Variants in FAM178B observed in about 807,000 individuals in gnomAD.
FAM178B encodes family with sequence similarity 178 member B.
FAM178B carries 82 observed loss-of-function variants against 91.7 expected under a neutral mutation model. The ratio of observed to expected loss-of-function variants is 0.89; its 90% CI spans 0.75 to 1.07. The LOEUF (loss-of-function observed/expected upper bound fraction) is 1.07. Among genes scored for constraint, FAM178B ranks in the 50% least tolerant of loss-of-function variants. The pLI, the probability that FAM178B is intolerant of heterozygous loss-of-function variation, is 0.00. For missense variants in FAM178B, 769 were observed against 846.7 expected, an observed-to-expected ratio of 0.91 and a Z score of 1.14; for synonymous variants, 368 against 359.4, an observed-to-expected ratio of 1.02 and a Z score of -0.27.
chr2:96,893,725 C>T (rs1355243947), intron 14 of FAM178B, among the ~76,000 whole-genome samples: 2 of 152,104 alleles, frequency 1.3e-5, no homozygotes, highest in South Asian at 2.1e-4. Flanking sequence ...GCCTGCGGCA[C>T]GGGTAACAGC....
At chr2:96,884,211 G>A (rs2080461406) in intron 14 of FAM178B, among the ~76,000 whole-genome samples, 1 of 152,182 alleles carries the variant, frequency 6.6e-6, no homozygotes, top group Non-Finnish European at 1.5e-5. Flanking sequence ...GGCATGGGGA[G>A]GGTTCCTGAT....
chr2:96,915,825 G>T (rs1485893262), intron 12 of FAM178B, among the ~76,000 whole-genome samples: 1 of 150,136 alleles, frequency 6.7e-6, no homozygotes, highest in Non-Finnish European at 1.5e-5. Context: ...AAAAGAAAAA[G>T]AAAAAAAGAA....
chr2:96,953,182 C>T (rs1574296034), intron 6 of FAM178B, among the ~76,000 whole-genome samples: 1 of 152,204 alleles, frequency 6.6e-6, no homozygotes, highest in Non-Finnish European at 1.5e-5. Flanking sequence ...TACACGTGCA[C>T]CCCAGGACTG....
intron 14 of FAM178B, among the ~76,000 whole-genome samples, chr2:96,878,911 C>G (rs1040961571): frequency 1.2e-4 from 18 of 152,166 alleles, no homozygotes; most frequent in African/African-American, 3.9e-4. Context: ...CCTGCCTGGA[C>G]AGTCGCCTTG....
intron 8 of FAM178B, among the ~76,000 whole-genome samples, chr2:96,930,331 A>C (rs936959595): frequency 6.7e-6 from 1 of 150,282 alleles, no homozygotes; most frequent in African/African-American, 2.5e-5. Context: ...GGACATTTTT[A>C]TAAGTGGGAG....
In FAM178B at chr2:96,951,488, G is replaced by C; in HGVS notation, c.888-4C>G. 2 of 1,550,900 alleles carry C rather than the reference G, an allele frequency of 1.3e-6. No homozygotes were observed. Among genetic ancestry groups the C allele is most frequent in the Non-Finnish European group, 1.7e-6 (2 of 1,146,334 alleles). ...GAGCTGTTGGGCTGGCGGGGAGCTGGGAGGCAGAGGGCTGAGGTTAGGGGA... is the reference window on the plus strand; with the variant it reads ...GAGCTGTTGGGCTGGCGGGGAGCTGCGAGGCAGAGGGCTGAGGTTAGGGGA... On this transcript the variant is annotated splice_region_variant and splice_polypyrimidine_tract_variant and intron_variant, in intron 6 of 16. Transcript: ENST00000490605.
intron 8 of FAM178B, among the ~76,000 whole-genome samples, chr2:96,937,487 C>T (rs770485827): frequency 2.6e-5 from 4 of 152,280 alleles, no homozygotes; most frequent in South Asian, 4.1e-4. Context: ...CCCCTCTCGC[C>T]GCACCTGAGG....
chr2:96,902,488 C>T (rs1265532793), intron 13 of FAM178B, 132 bp downstream of exon 13: 1 of 662,258 alleles, frequency 1.5e-6, no homozygotes. Context: ...AGCGGTAATT[C>T]TTGATGAAAG....
chr2:96,880,689 G>T lies in FAM178B; in HGVS notation c.1777-2196C>A, dbSNP rs982789033. ...CGCTCACTGCAAGCTCTGCCTCCCG[G>T]GCTCACGCCGTTGTCCTGCCTCAGC... is the stretch of plus-strand genomic sequence containing the variant. On this transcript the variant is annotated intron_variant, in intron 14 of 16. Transcript: ENST00000490605. Among the ~76,000 whole-genome samples, 10 of 152,122 alleles carry T rather than the reference G, an allele frequency of 6.6e-5. 1 individual carries two copies. The highest frequency in any genetic ancestry group is 5.2e-4 in the Admixed American group (8 of 15,274).
intron 12 of FAM178B, among the ~76,000 whole-genome samples, chr2:96,915,109 C>CA (rs2081220450): frequency 6.8e-6 from 1 of 147,864 alleles, no homozygotes; most frequent in South Asian, 2.1e-4. Flanking sequence ...TATCTATAAC[C>CA]AAATTTTTTT....
intron 5 of FAM178B, among the ~76,000 whole-genome samples, chr2:96,962,582 T>A (rs1349474755): frequency 6.6e-6 from 1 of 152,202 alleles, no homozygotes; most frequent in African/African-American, 2.4e-5. Flanking sequence ...TTAAGAGTCC[T>A]GAGGCGACTC....
intron 9 of FAM178B, among the ~76,000 whole-genome samples, chr2:96,927,476 C>T (rs72811667): frequency 0.037 from 5,662 of 152,242 alleles, 127 homozygotes; most frequent in Middle Eastern, 0.078. Context: ...GTCTGGGACA[C>T]GACATGAGGC....
chr2:96,895,072 C>G (rs1457922345), intron 13 of FAM178B: 2 of 1,289,464 alleles, frequency 1.6e-6, no homozygotes, highest in South Asian at 1.2e-5. Context: ...ATGAGCAAGA[C>G]CACCATCATC....
At chr2:96,971,432 A>T (rs1338765846) in intron 3 of FAM178B, among the ~76,000 whole-genome samples, 2 of 152,032 alleles carry the variant, frequency 1.3e-5, no homozygotes, top group East Asian at 3.9e-4. Flanking sequence ...CACAGCCTGT[A>T]AATGTCCCAC....
intron 6 of FAM178B, chr2:96,956,860 TTTA>T (rs1205575647): frequency 6.6e-6 from 1 of 152,190 alleles, no homozygotes; most frequent in Non-Finnish European, 1.5e-5. Flanking sequence ...CAGCTTTTTA[TTTA>T]TTATTATTTT....
At position 96,877,672 on chromosome 2, in the gene FAM178B, G is replaced by C. The variant is rs1048270142; in HGVS notation, c.2007+218C>G. On this transcript the variant is annotated intron_variant, in intron 16 of 16. Coordinates refer to ENST00000490605, the MANE Select transcript of FAM178B (RefSeq NM_001122646.3). ...AGTCTCCCAAAGTGCTGGGATTACA[G>C]GCGTGAGCTACCACGCCCAGCCTTT... 2.6e-5 allele frequency: 15 copies of C among 567,088 alleles called. No homozygotes were observed. In the Middle Eastern group the frequency reaches 1.4e-3, roughly 53 times the overall value. 35.1% of individuals were successfully genotyped at this position (567,088 alleles called of 1,614,324 possible). A position where few individuals can be genotyped will look rare whatever the true frequency, so the allele number is the denominator to read the frequency against.
Position 96,972,829 on chromosome 2 carries a change from C to CT in FAM178B, c.74-224dup, listed in dbSNP as rs71386023. On this transcript the variant is annotated intron_variant, in intron 1 of 16. Coordinates refer to ENST00000490605, the MANE Select transcript of FAM178B (RefSeq NM_001122646.3). ...GGGCAAATGTGAGGATATCAATTTT[C>CT]TTTTTTTAGACGGAGTCTCACTCTC... 5.9e-5 allele frequency among the ~76,000 whole-genome samples: 9 copies of CT among 152,116 alleles called. 1 individual carries two copies. The South Asian group carries it at 1.7e-3, about 28-fold the overall frequency.
At chr2:96,930,243 A>AAAAAAAT (rs1559080293) in intron 8 of FAM178B, among the ~76,000 whole-genome samples, 14 of 137,590 alleles carry the variant, frequency 1.0e-4, no homozygotes, top group African/African-American at 3.7e-4. Context: ...AAAAAAAAAA[A>AAAAAAAT]ATCTGACCAC....
intron 12 of FAM178B, among the ~76,000 whole-genome samples, chr2:96,920,239 G>A (rs1429394142): frequency 2.6e-5 from 4 of 152,156 alleles, no homozygotes; most frequent in Non-Finnish European, 4.4e-5. Context: ...GAGAGAAGCC[G>A]GGCCAGATTC....
Sources: allele counts gnomAD v4.1 joint callset (sites outside exome capture counted in the v4.1 genomes callset), GRCh38; gene constraint gnomAD v4.1.1; transcripts MANE v1.5; gene names NCBI Gene and HGNC (gene_info 2026-07-23, HGNC 2026-07-21).